Variants in CPS1 observed in about 807,000 individuals in gnomAD.
CPS1 encodes the protein carbamoyl-phosphate synthase 1, also known as carbamoyl-phosphate synthase [ammonia], mitochondrial.
Under a neutral mutation model 174.6 loss-of-function variants are expected in CPS1, and 109 were observed. The observed-to-expected ratio is 0.62, with a 90% CI of 0.53 to 0.73. CPS1 has a LOEUF of 0.73. Among genes scored for constraint, CPS1 ranks in the 30% least tolerant of loss-of-function variants. CPS1 has a pLI of 0.00. For synonymous variants in CPS1, 637 were observed against 632.0 expected (o/e 1.01, Z -0.12); for missense variants, 1,689 against 1,821.9 (o/e 0.93, Z 1.33).
chr2:210,579,763 G>A lies in CPS1; in HGVS notation c.521G>A (p.Arg174Gln), dbSNP rs1414655377. 2.5e-6 allele frequency: 4 copies of A among 1,611,900 alleles called. No individual in the cohort carries two copies. Among genetic ancestry groups the A allele is most frequent in the Non-Finnish European group, 2.5e-6 (3 of 1,179,110 alleles). The change falls in exon 5 of 38, where the codon CGG (arginine) becomes CAG (glutamine). Residue 174 changes from arginine (R) to glutamine (Q), a missense_variant. Arg to Gln is a conservative substitution (Grantham distance 43). Coordinates refer to ENST00000233072, the MANE Select transcript of CPS1 (RefSeq NM_001875.5). Reference protein sequence around the residue: ...VDTRMLTKIIRDKGTMLGKIE... With the variant: ...VDTRMLTKIIQDKGTMLGKIE... The stretch of plus-strand genomic sequence containing the variant: ...ACAAGAATGCTGACTAAAATAATTC[G>A]GGATAAGGTATAATCATCATCTTTA...
chr2:210,583,734 G>A (rs1193152946), intron 6 of CPS1, among the ~76,000 whole-genome samples: 2 of 152,152 alleles, frequency 1.3e-5, no homozygotes, highest in Non-Finnish European at 1.5e-5. Flanking sequence ...TGGACTGACT[G>A]AAGCTAGGTC....
chr2:210,532,636 A>G (rs1696145805), intron 1 of CPS1, among the ~76,000 whole-genome samples: 1 of 152,162 alleles, frequency 6.6e-6, no homozygotes. Context: ...ATATGTCCCA[A>G]TGCTCAAAGT....
At chr2:210,648,907 T>TTG (rs1334357169) in intron 27 of CPS1, among the ~76,000 whole-genome samples, 1 of 152,208 alleles carries the variant, frequency 6.6e-6, no homozygotes, top group Non-Finnish European at 1.5e-5. Context: ...TCTTTGACTA[T>TTG]TGTCAGCACC....
chr2:210,588,281 G>T, intron 7 of CPS1, 134 bp downstream of exon 7: 2 of 786,060 alleles, frequency 2.5e-6, no homozygotes, highest in Admixed American at 4.0e-5. Context: ...TGTTGCTTTT[G>T]ATTTACAAAA....
intron 1 of CPS1, among the ~76,000 whole-genome samples, chr2:210,523,511 C>T (rs10189047): frequency 0.19 from 29,549 of 151,776 alleles, 3,311 homozygotes; most frequent in African/African-American, 0.28. Flanking sequence ...CCCACCTTTC[C>T]GAGTCTCCAG....
intron 1 of CPS1, among the ~76,000 whole-genome samples, chr2:210,572,764 A>G (rs1697545931): frequency 6.6e-6 from 1 of 152,088 alleles, no homozygotes. Context: ...CTTCATGAAC[A>G]TAATTCTGGC....
At chr2:210,617,385 A>G (rs1440054274) in intron 21 of CPS1, among the ~76,000 whole-genome samples, 1 of 152,022 alleles carries the variant, frequency 6.6e-6, no homozygotes, top group Admixed American at 6.6e-5. Context: ...GTGTTTAGAG[A>G]AGGAAAAATT....
At chr2:210,645,876 G>T (rs1022287976) in intron 25 of CPS1, among the ~76,000 whole-genome samples, 15 of 152,108 alleles carry the variant, frequency 9.9e-5, no homozygotes, top group African/African-American at 3.4e-4. Context: ...CACCTCAGAA[G>T]GATAGTGTGA....
intron 34 of CPS1, chr2:210,674,140 T>C (rs1233097687): frequency 1.3e-5 from 2 of 152,152 alleles, no homozygotes; most frequent in Non-Finnish European, 2.9e-5. Flanking sequence ...GAAAATGGCC[T>C]AGTTATTGAA....
At chr2:210,517,966 T>G (rs1695726151) in intron 1 of CPS1, among the ~76,000 whole-genome samples, 1 of 152,004 alleles carries the variant, frequency 6.6e-6, no homozygotes, top group African/African-American at 2.4e-5. Flanking sequence ...ATGCTATCTA[T>G]GTGACTGAAA....
intron 20 of CPS1, among the ~76,000 whole-genome samples, chr2:210,616,176 A>C (rs1371191842): frequency 6.6e-6 from 1 of 151,992 alleles, no homozygotes; most frequent in Non-Finnish European, 1.5e-5. Flanking sequence ...ACCTGTTAGG[A>C]GATTTTTCTG....
chr2:210,599,263 GC>G lies in CPS1; in HGVS notation c.1360-106del, dbSNP rs976720580. On this transcript the variant is annotated intron_variant, in intron 13 of 37. Coordinates refer to ENST00000233072, the MANE Select transcript of CPS1 (RefSeq NM_001875.5). The stretch of plus-strand genomic sequence containing the variant: ...ACTAGTCCTGTTACGGATCTCTACG[GC>G]CCACAGATAACCTAAAAGCTTAGTT... 1.5e-4 allele frequency: 144 copies of G among 943,070 alleles called. No homozygotes were observed. In the African/African-American group the frequency reaches 1.9e-3, roughly 12 times the overall value. The allele number at this position is 943,070 out of a possible 1,614,324, so 58.4% of individuals were successfully genotyped here.
At chr2:210,542,818 G>A (rs1316164464) in intron 1 of CPS1, among the ~76,000 whole-genome samples, 4 of 152,064 alleles carry the variant, frequency 2.6e-5, no homozygotes, top group South Asian at 4.2e-4. Flanking sequence ...CTCATGTTTT[G>A]TCTATTTTTT....
rs371452070 is a variant in CPS1, at chr2:210,678,788, A to C, written c.*803A>C. 3.3e-5 allele frequency: 5 copies of C among 152,108 alleles called. No homozygotes were observed. Among genetic ancestry groups the C allele is most frequent in the African/African-American group, 1.2e-4 (5 of 41,412 alleles). The allele number at this position is 152,108 out of a possible 1,614,324, so 9.4% of individuals were successfully genotyped here. ...TATCAGCAGATGGTAGACAGTGTTTATGTAGATGTGTTGTTGTTTTTATCA... is the reference window on the plus strand; with the variant it reads ...TATCAGCAGATGGTAGACAGTGTTTCTGTAGATGTGTTGTTGTTTTTATCA... On this transcript the variant is annotated 3_prime_UTR_variant, in exon 38 of 38. Coordinates refer to ENST00000233072, the MANE Select transcript of CPS1 (RefSeq NM_001875.5).
intron 3 of CPS1, among the ~76,000 whole-genome samples, chr2:210,576,846 T>A (rs1278306407): frequency 6.6e-6 from 1 of 152,186 alleles, no homozygotes; most frequent in African/African-American, 2.4e-5. Flanking sequence ...AATCTTAGCC[T>A]CTAGGGGATG....
intron 20 of CPS1, among the ~76,000 whole-genome samples, chr2:210,616,170 G>C (rs1472699479): frequency 1.3e-5 from 2 of 151,966 alleles, no homozygotes; most frequent in African/African-American, 4.8e-5. Context: ...GTCAAAACCT[G>C]TTAGGAGATT....
intron 1 of CPS1, among the ~76,000 whole-genome samples, chr2:210,486,757 G>C (rs12611805): frequency 2.0e-5 from 3 of 152,138 alleles, no homozygotes; most frequent in Admixed American, 2.0e-4. Flanking sequence ...TGATCCGCTC[G>C]CCTTGGCTTC....
rs1700265483 is a variant in CPS1, at chr2:210,642,674, A to G, written c.3141+9A>G. 6.2e-7 allele frequency: 1 copy of G among 1,612,506 alleles called. No individual in the cohort carries two copies. The highest frequency in any genetic ancestry group is 1.1e-5 in the South Asian group (1 of 90,940). ...ACATCTACCATCAGGAGGTAAGAAA[A>G]GAAAAACAGAAAAAAAAGAAAAAAG... On this transcript the variant is annotated intron_variant, in intron 25 of 37. Transcript: ENST00000233072.
At chr2:210,594,023 C>A (rs1698396666) in intron 11 of CPS1, among the ~76,000 whole-genome samples, 1 of 151,690 alleles carries the variant, frequency 6.6e-6, no homozygotes, top group South Asian at 2.1e-4. Flanking sequence ...AATGAATATT[C>A]TTTGTTGTAA....
Sources: allele counts gnomAD v4.1 joint callset (sites outside exome capture counted in the v4.1 genomes callset), GRCh38; gene constraint gnomAD v4.1.1; transcripts MANE v1.5; gene names NCBI Gene and HGNC (gene_info 2026-07-23, HGNC 2026-07-21).